The following PRR22 variants were observed in gnomAD, a reference collection of about 807,000 sequenced individuals.
The protein encoded by PRR22 is proline rich 22, also known as proline-rich protein 22.
PRR22 carries 5 observed loss-of-function variants against 7.2 expected under a neutral mutation model. The observed-to-expected ratio is 0.69, with a 90% CI of 0.36 to 1.45. The LOEUF (loss-of-function observed/expected upper bound fraction) is 1.45. Ranked by LOEUF, PRR22 falls within the 40% of genes most tolerant of loss-of-function variation. The pLI is 0.03. For synonymous variants in PRR22, 319 were observed against 269.3 expected (o/e 1.18, Z -1.81); for missense variants, 619 against 568.8 (o/e 1.09, Z -0.90).
At position 5,783,560 on chromosome 19, in the gene PRR22, G is replaced by T. The variant is rs750123018; in HGVS notation, c.687C>A (p.Phe229Leu). 40 of 1,605,680 alleles carry T rather than the reference G, an allele frequency of 2.5e-5. 1 individual carries two copies. The East Asian group carries it at 9.0e-4, about 36-fold the overall frequency. Residue 229 changes from phenylalanine to leucine, a missense_variant, in exon 3 of 3, where the codon TTC becomes TTA. Coordinates refer to ENST00000419421, the MANE Select transcript of PRR22 (RefSeq NM_001134316.2). ...CACTGCCCTGCAGCTCCTTGACGGG[G>T]AAGGCCAGGGGTTCGGGCCCAGGGA... ...GHFPGPEPLA[F>L]PVKELQGSGA...
At position 5,783,610 on chromosome 19, in the gene PRR22, G is replaced by A. The variant is rs1264960861; in HGVS notation, c.637C>T (p.His213Tyr). ...EPTLPPDAYS[H>Y]LQGHLGHFPG... ...AAGTGGCCGAGGTGACCCTGGAGGT[G>A]GCTGTAGGCGTCTGGGGGCAGTGTG... Residue 213 changes from histidine to tyrosine, a missense_variant, in exon 3 of 3, where the codon CAC becomes TAC. His to Tyr is a moderately conservative substitution (Grantham distance 83). Coordinates refer to ENST00000419421, the MANE Select transcript of PRR22 (RefSeq NM_001134316.2). 4.4e-6 allele frequency: 7 copies of A among 1,608,390 alleles called. No individual in the cohort carries two copies. The highest frequency in any genetic ancestry group is 1.7e-4 in the Middle Eastern group (1 of 6,048).
chr19:5,783,274 C>T lies in PRR22; in HGVS notation c.973G>A (p.Asp325Asn). 6.2e-7 allele frequency: 1 copy of T among 1,612,870 alleles called. No homozygotes were observed. Among genetic ancestry groups the T allele is most frequent in the Non-Finnish European group, 8.5e-7 (1 of 1,179,996 alleles). The change falls in exon 3 of 3, where the codon GAC becomes AAC. Residue 325 changes from aspartate to asparagine, a missense_variant. Coordinates refer to ENST00000419421, the MANE Select transcript of PRR22 (RefSeq NM_001134316.2). The stretch of plus-strand genomic sequence containing the variant: ...TCGGGCAGGCACAGCGAGCGGATGT[C>T]ATCGGCTGAGTTCCCACCACTGCTG... The part of the protein sequence containing the change: ...PDSSGGNSAD[D>N]IRSLCLPEEL...
In PRR22 at chr19:5,783,718, C is replaced by G; in HGVS notation, c.529G>C (p.Glu177Gln). Residue 177 changes from glutamate to glutamine, a missense_variant, in exon 3 of 3, where the codon GAG becomes CAG. Coordinates refer to ENST00000419421, the MANE Select transcript of PRR22 (RefSeq NM_001134316.2). The part of the protein sequence containing the change: ...AFVELPLPPL[E>Q]EGPAPLPPPP... ...GGTGGCAGCGGGGCCGGGCCTTCCT[C>G]TAGGGGCGGTAGGGGCAGCTCCACG... is the stretch of plus-strand genomic sequence containing the variant. 1.3e-6 allele frequency: 2 copies of G among 1,515,988 alleles called. No individual in the cohort carries two copies. Among genetic ancestry groups the G allele is most frequent in the Non-Finnish European group, 8.8e-7 (1 of 1,131,100 alleles). The allele number at this position is 1,515,988 out of a possible 1,614,324, so 93.9% of individuals were successfully genotyped here. A position where few individuals can be genotyped will look rare whatever the true frequency, so the allele number is the denominator to read the frequency against.
intron 2 of PRR22, 88 bp from the exon 3 acceptor site, chr19:5,784,141 G>T: frequency 7.6e-7 from 1 of 1,321,942 alleles, no homozygotes; most frequent in Non-Finnish European, 1.1e-6. Flanking sequence ...GATGCCACAA[G>T]AACCTTGCCA....
At position 5,783,923 on chromosome 19, in the gene PRR22, G is replaced by GGGGACCCCCGC. The variant is rs2056815932; in HGVS notation, c.313_323dup (p.Ser109ArgfsTer72). 6.3e-7 allele frequency: 1 copy of GGGGACCCCCGC among 1,578,368 alleles called. No homozygotes were observed. Among genetic ancestry groups the GGGGACCCCCGC allele is most frequent in the Non-Finnish European group, 8.6e-7 (1 of 1,163,316 alleles). On this transcript the variant is annotated frameshift_variant, in exon 3 of 3. Coordinates refer to ENST00000419421, the MANE Select transcript of PRR22 (RefSeq NM_001134316.2). LOFTEE classifies it low-confidence loss of function (END_TRUNC). ...CCAGGAGGTAGCTGCCTGGGGCGGA[G>GGGGACCCCCGC]GGGACCCCCGCTGGCCCCCCGCTGC...
chr19:5,783,120 G>C lies in PRR22; in HGVS notation c.1127C>G (p.Thr376Ser), dbSNP rs2056808504. Reference sequence around the variant, plus strand: ...CTTGCCAGACAGAATGGGGGCCGGGGTGTTGGTGGCAGGGGGCCCCGGGTG... The same window carrying C: ...CTTGCCAGACAGAATGGGGGCCGGGCTGTTGGTGGCAGGGGGCCCCGGGTG... ...PPHPGPPATNTPAPILSGKRK... is the reference protein window; with the variant it reads ...PPHPGPPATNSPAPILSGKRK... The change falls in exon 3 of 3, where the codon ACC becomes AGC. Residue 376 changes from threonine to serine, a missense_variant. Physicochemically the swap from Thr to Ser is moderately conservative, Grantham distance 58. Coordinates refer to ENST00000419421, the MANE Select transcript of PRR22 (RefSeq NM_001134316.2). The C allele has an allele frequency of 1.9e-6, 3 of 1,612,292 alleles. No homozygotes were observed. Among genetic ancestry groups the C allele is most frequent in the Non-Finnish European group, 2.5e-6 (3 of 1,179,706 alleles).
Position 5,783,118 on chromosome 19 carries a change from G to T in PRR22, c.1129C>A (p.Pro377Thr), listed in dbSNP as rs749211882. 9.9e-6 allele frequency: 16 copies of T among 1,612,152 alleles called. No homozygotes were observed. The highest frequency in any genetic ancestry group is 1.4e-5 in the Non-Finnish European group (16 of 1,179,702). The change falls in exon 3 of 3, where the codon CCG becomes ACG. Residue 377 changes from proline to threonine, a missense_variant. Transcript: ENST00000419421. ...PHPGPPATNT[P>T]APILSGKRKA... ...CTCTTGCCAGACAGAATGGGGGCCG[G>T]GGTGTTGGTGGCAGGGGGCCCCGGG...
chr19:5,783,868 GC>G lies in PRR22; in HGVS notation c.378del (p.Leu127CysfsTer50), dbSNP rs1243834426. ...LEPQPYLKAP[G>X]LPPYPHYQQA... ...TGCTGGTAGTGGGGGTATGGAGGCA[GC>G]CCCGGGGCCTTGAGGTAGGGCTGAG... On this transcript the variant is annotated frameshift_variant, in exon 3 of 3. Transcript: ENST00000419421. LOFTEE classifies it low-confidence loss of function (END_TRUNC). 1.3e-6 allele frequency: 2 copies of G among 1,569,614 alleles called. No individual in the cohort carries two copies. The highest frequency in any genetic ancestry group is 1.7e-6 in the Non-Finnish European group (2 of 1,158,270).
chr19:5,784,398 CCT>C lies in PRR22; in HGVS notation c.170_171del (p.Glu57GlyfsTer39), dbSNP rs1568383884. 3 of 1,593,646 alleles carry C rather than the reference CCT, an allele frequency of 1.9e-6. No homozygotes were observed. The highest frequency in any genetic ancestry group is 2.6e-6 in the Non-Finnish European group (3 of 1,170,194). Reference sequence around the variant, plus strand: ...GTACCTGCTGGTGGGGCTGGAAACACCTCTTTCTCTGGGTCTGGGGGATGATA... The same window carrying C: ...GTACCTGCTGGTGGGGCTGGAAACACCTTTCTCTGGGTCTGGGGGATGATA... Reference protein sequence around the residue: ...NLYHPPDPEKEVFPAPPAGFQ... With the variant: ...NLYHPPDPEKXVFPAPPAGFQ... On this transcript the variant is annotated frameshift_variant, in exon 2 of 3. Transcript: ENST00000419421. LOFTEE classifies it low-confidence loss of function (END_TRUNC).
rs537666246 is a variant in PRR22, at chr19:5,783,015, G to A, written c.1232C>T (p.Pro411Leu). The A allele has an allele frequency of 3.1e-5, 48 of 1,547,886 alleles. No homozygotes were observed. Among genetic ancestry groups the A allele is most frequent in the South Asian group, 2.9e-4 (23 of 79,738 alleles). Residue 411 changes from proline to leucine, a missense_variant, in exon 3 of 3, where the codon CCG becomes CTG. By Grantham distance (98) the Pro-to-Leu change is moderately conservative (BLOSUM62 -3). Coordinates refer to ENST00000419421, the MANE Select transcript of PRR22 (RefSeq NM_001134316.2). ...QPAGPASATP[P>L]GPREDLGATP... ...GGCTCCCAGGTCCTCCCTGGGCCCC[G>A]GGGGAGTGGCGCTGGCTGGGCCTGC...
rs926409059 is a variant in PRR22, at chr19:5,783,352, C to T, written c.895G>A (p.Ala299Thr). 5 of 1,612,526 alleles carry T rather than the reference C, an allele frequency of 3.1e-6. No homozygotes were observed. The African/African-American group carries it at 4.0e-5, about 13-fold the overall frequency. Residue 299 changes from alanine to threonine, a missense_variant, in exon 3 of 3, where the codon GCC (alanine) becomes ACC (threonine). Coordinates refer to ENST00000419421, the MANE Select transcript of PRR22 (RefSeq NM_001134316.2). ...CACAGGGTACCCTCAGGCTCAGAGG[C>T]GCCTGGCAGGCAGTCGAAGAGCTTC... ...AMKLFDCLPG[A>T]SEPEGTLCEV...
rs370546938 is a variant in PRR22 at position 5,783,652 on chromosome 19, T to C, written c.595A>G (p.Thr199Ala). 6.8e-7 allele frequency: 1 copy of C among 1,466,408 alleles called. No individual in the cohort carries two copies. 90.8% of individuals were successfully genotyped at this position (1,466,408 alleles called of 1,614,324 possible). ...GGCAGTGTGGGCTCTGCAGGCAGCGTGATGAGTACAGGGGGCGGCTTGTTC... is the reference window on the plus strand; with the variant it reads ...GGCAGTGTGGGCTCTGCAGGCAGCGCGATGAGTACAGGGGGCGGCTTGTTC... The part of the protein sequence containing the change: ...KENKPPPVLI[T>A]LPAEPTLPPD... Residue 199 changes from threonine (T) to alanine (A), a missense_variant, in exon 3 of 3, where the codon ACG becomes GCG. Thr to Ala is a moderately conservative substitution (Grantham distance 58). Coordinates refer to ENST00000419421, the MANE Select transcript of PRR22 (RefSeq NM_001134316.2).
At chr19:5,784,147 T>C in intron 2 of PRR22, 94 bp from the exon 3 acceptor site, 1 of 1,278,722 alleles carries the variant, frequency 7.8e-7, no homozygotes, top group Non-Finnish European at 1.1e-6. Context: ...ACAAGAACCT[T>C]GCCATTGGGG....
chr19:5,784,561 G>A lies in PRR22; in HGVS notation c.100C>T (p.Pro34Ser). 6.5e-7 allele frequency: 1 copy of A among 1,548,024 alleles called. No homozygotes were observed. The highest frequency in any genetic ancestry group is 8.7e-7 in the Non-Finnish European group (1 of 1,146,896). ...GAEVLGNQPA[P>S]TCAEPPPAMG... ...GCGGGAGGAGGCTCGGCACAGGTGG[G>A]AGCAGGCTGGTTGCCCAGCACCTCA... The change falls in exon 1 of 3, where the codon CCC becomes TCC. Residue 34 changes from proline to serine, a missense_variant. Coordinates refer to ENST00000419421, the MANE Select transcript of PRR22 (RefSeq NM_001134316.2).
rs1434022701 is a variant in PRR22, at chr19:5,783,411, G to A, written c.836C>T (p.Ala279Val). 19 of 1,612,500 alleles carry A rather than the reference G, an allele frequency of 1.2e-5. No homozygotes were observed. The highest frequency in any genetic ancestry group is 1.6e-5 in the Non-Finnish European group (19 of 1,179,904). The change falls in exon 3 of 3, where the codon GCA (alanine) becomes GTA (valine). Residue 279 changes from alanine to valine, a missense_variant. Ala to Val is a moderately conservative substitution (Grantham distance 64, BLOSUM62 0). Coordinates refer to ENST00000419421, the MANE Select transcript of PRR22 (RefSeq NM_001134316.2). ...CTCCAGCAGAACCTTGTCAGGCAGT[G>A]CCAAAGCTCTGGCCGTCTTGGGGGC... Reference protein sequence around the residue: ...AKAPKTARALALPDKVLLEDA... With the variant: ...AKAPKTARALVLPDKVLLEDA...
chr19:5,784,508 T>C (rs1459799167), intron 1 of PRR22, 23 bp downstream of exon 1: 1 of 1,550,098 alleles, frequency 6.5e-7, no homozygotes, highest in Admixed American at 2.0e-5. Flanking sequence ...CTCCAGCAGG[T>C]GCTCCCACCC....
Position 5,783,084 on chromosome 19 carries a change from G to C in PRR22, c.1163C>G (p.Ser388Trp). 6.2e-7 allele frequency: 1 copy of C among 1,606,516 alleles called. No homozygotes were observed. Among genetic ancestry groups the C allele is most frequent in the Non-Finnish European group, 8.5e-7 (1 of 1,175,814 alleles). ...APILSGKRKA[S>W]TAKKGKPGRK... is the part of the protein sequence containing the mutation. ...TCCCGGCTTTCCCTTCTTGGCCGTC[G>C]AGGCCTTTCTCTTGCCAGACAGAAT... Residue 388 changes from serine to tryptophan, a missense_variant, in exon 3 of 3, where the codon TCG (serine) becomes TGG (tryptophan). By Grantham distance (177) the Ser-to-Trp change is radical. Transcript: ENST00000419421.
At chr19:5,784,124 T>C in intron 2 of PRR22, 71 bp from the exon 3 acceptor site, 1 of 1,411,714 alleles carries the variant, frequency 7.1e-7, no homozygotes, top group Non-Finnish European at 1.0e-6. Context: ...TGGGGGCCTG[T>C]TTGGGAGATG....
Position 5,783,755 on chromosome 19 carries a change from C to T in PRR22, c.492G>A (p.Gly164=). Residue 164 remains glycine (G), a synonymous_variant, in exon 3 of 3, where the codon GGG becomes GGA. Transcript: ENST00000419421. ...PEALGFVGDA[G]PAAFVELPLP... ...GGGGCAGCTCCACGAAGGCGGCGGGCCCTGCGTCCCCCACAAAACCCAGAG... is the reference window on the plus strand; with the variant it reads ...GGGGCAGCTCCACGAAGGCGGCGGGTCCTGCGTCCCCCACAAAACCCAGAG... The T allele has an allele frequency of 1.3e-6, 2 of 1,486,580 alleles. No homozygotes were observed. The highest frequency in any genetic ancestry group is 1.8e-6 in the Non-Finnish European group (2 of 1,117,336). The allele number at this position is 1,486,580 out of a possible 1,614,324, so 92.1% of individuals were successfully genotyped here.
Sources: allele counts gnomAD v4.1 joint callset, GRCh38; gene constraint gnomAD v4.1.1; transcripts MANE v1.5; gene names NCBI Gene and HGNC (gene_info 2026-07-23, HGNC 2026-07-21).